ZMYM4: variants seen among roughly 807,000 people sequenced by gnomAD.
ZMYM4 encodes zinc finger MYM-type containing 4.
ZMYM4 carries 31 observed loss-of-function variants against 183.2 expected under a neutral mutation model. The ratio of observed to expected loss-of-function variants is 0.17; its 90% CI spans 0.13 to 0.23. ZMYM4 has a LOEUF of 0.23. ZMYM4 is among the 10% of genes least tolerant of loss of function. The pLI, the probability that ZMYM4 is intolerant of heterozygous loss-of-function variation, is 1.00. For synonymous variants in ZMYM4, 592 were observed against 631.2 expected, an observed-to-expected ratio of 0.94 and a Z score of 0.93; for missense variants, 1,273 against 1,840.3, an observed-to-expected ratio of 0.69 and a Z score of 5.64.
chr1:35,351,095 T>A, intron 2 of ZMYM4: 1 of 860,992 alleles, frequency 1.2e-6, no homozygotes, highest in South Asian at 1.4e-5. Context: ...TGGAGGTGAC[T>A]GGTGGTAAAT....
chr1:35,381,145 A>G, intron 7 of ZMYM4, 114 bp from the exon 8 acceptor site: 1 of 823,810 alleles, frequency 1.2e-6, no homozygotes, highest in Non-Finnish European at 1.8e-6. Context: ...CTTAAATTCC[A>G]GTGTTATTTC....
intron 2 of ZMYM4, among the ~76,000 whole-genome samples, chr1:35,357,256 A>G (rs770516771): frequency 1.3e-5 from 2 of 152,142 alleles, no homozygotes; most frequent in African/African-American, 2.4e-5. Flanking sequence ...ACTCAAATCA[A>G]CTTAACAAAA....
intron 1 of ZMYM4, among the ~76,000 whole-genome samples, chr1:35,312,026 A>G (rs1641826701): frequency 1.3e-5 from 2 of 152,088 alleles, no homozygotes; most frequent in East Asian, 1.9e-4. Context: ...TGCTGGCATT[A>G]CAGTCATGAG....
intron 25 of ZMYM4, among the ~76,000 whole-genome samples, chr1:35,407,428 C>CA (rs548295593): frequency 0.019 from 1,446 of 77,420 alleles, 9 homozygotes; most frequent in African/African-American, 0.024. Context: ...AATTCCATCT[C>CA]AAAAAAAAAA....
At chr1:35,376,245 A>G (rs1368934733) in intron 7 of ZMYM4, among the ~76,000 whole-genome samples, 1 of 152,188 alleles carries the variant, frequency 6.6e-6, no homozygotes, top group Admixed American at 6.5e-5. Flanking sequence ...GTTTCTTCTC[A>G]TTCTGTCATA....
chr1:35,370,403 A>G lies in ZMYM4; in HGVS notation c.957A>G (p.Ser319=), dbSNP rs1322386789. ...APQLTTGFQP[S]LASSGMNKML... The stretch of plus-strand genomic sequence containing the variant: ...AGTTGACTACTGGCTTTCAGCCCTC[A>G]CTGGCGTCATCTGGCATGAATAAAA... The change falls in exon 7 of 30, where the codon TCA becomes TCG. Residue 319 remains serine, a synonymous_variant. Transcript: ENST00000314607. 1 of 1,567,600 alleles carries G rather than the reference A, an allele frequency of 6.4e-7. No individual in the cohort carries two copies. The highest frequency in any genetic ancestry group is 8.6e-7 in the Non-Finnish European group (1 of 1,167,868).
intron 1 of ZMYM4, among the ~76,000 whole-genome samples, chr1:35,299,483 A>G (rs77648004): frequency 0.026 from 3,980 of 152,326 alleles, 69 homozygotes; most frequent in Non-Finnish European, 0.038. Flanking sequence ...GAGGTTTCCC[A>G]TTGGTTACTT....
Position 35,383,515 on chromosome 1 carries a change from G to A in ZMYM4, c.1569+1757G>A, listed in dbSNP as rs183653400. 2.4e-3 allele frequency among the ~76,000 whole-genome samples: 363 copies of A among 152,024 alleles called. 2 individuals are homozygous for A. The highest frequency in any genetic ancestry group is 7.8e-3 in the African/African-American group (322 of 41,468). The stretch of plus-strand genomic sequence containing the variant: ...TGTTAATGTGAAAACACACTATAAT[G>A]GCTAAGTTTTACTATTCATTCCTTA... On this transcript the variant is annotated intron_variant, in intron 9 of 29. Coordinates refer to ENST00000314607, the MANE Select transcript of ZMYM4 (RefSeq NM_005095.3).
chr1:35,271,521 G>A (rs1441597598), intron 1 of ZMYM4, among the ~76,000 whole-genome samples: 1 of 152,084 alleles, frequency 6.6e-6, no homozygotes, highest in Non-Finnish European at 1.5e-5. Context: ...TCCTGCTTCA[G>A]CCTCCCAAGT....
Position 35,397,468 on chromosome 1 carries a change from A to G in ZMYM4, c.3122A>G (p.His1041Arg). 1 of 1,613,520 alleles carries G rather than the reference A, an allele frequency of 6.2e-7. No individual in the cohort carries two copies. Among genetic ancestry groups the G allele is most frequent in the African/African-American group, 1.3e-5 (1 of 75,016 alleles). Residue 1041 changes from histidine to arginine, a missense_variant, in exon 20 of 30, where the codon CAT becomes CGT. Transcript: ENST00000314607. ...IEDIKEKLPT[H>R]PFEADLLEMA... ...GACATTAAAGAAAAGCTTCCCACAC[A>G]TCCATTTGAAGCTGATCTCCTTGAG...
At chr1:35,278,220 T>C (rs1435601942) in intron 1 of ZMYM4, among the ~76,000 whole-genome samples, 3 of 149,828 alleles carry the variant, frequency 2.0e-5, no homozygotes. Context: ...TGTTCTCAGC[T>C]CAAGATCCTT....
At chr1:35,269,398 G>A (rs1639482727) in intron 1 of ZMYM4, among the ~76,000 whole-genome samples, 1 of 151,436 alleles carries the variant, frequency 6.6e-6, no homozygotes, top group Admixed American at 6.6e-5. Flanking sequence ...TGCATCTTTA[G>A]TGCATCTTTA....
At chr1:35,409,682 C>T (rs936465790) in intron 26 of ZMYM4, among the ~76,000 whole-genome samples, 8 of 152,036 alleles carry the variant, frequency 5.3e-5, no homozygotes, top group Non-Finnish European at 1.2e-4. Flanking sequence ...TGGCTCACAC[C>T]TGTAATCCCA....
Position 35,384,314 on chromosome 1 carries a change from A to G in ZMYM4, c.1570-1128A>G, listed in dbSNP as rs531098567. The stretch of plus-strand genomic sequence containing the variant: ...GAGAGGGAAATGGGGTTAGAGATTT[A>G]GAAGACATTCCAGAATTCAGGCATA... On this transcript the variant is annotated intron_variant, in intron 9 of 29. Coordinates refer to ENST00000314607, the MANE Select transcript of ZMYM4 (RefSeq NM_005095.3). 2.6e-5 allele frequency among the ~76,000 whole-genome samples: 4 copies of G among 152,330 alleles called. No individual in the cohort carries two copies. The East Asian group carries it at 7.7e-4, about 29-fold the overall frequency.
chr1:35,409,186 A>T (rs1314536997), intron 26 of ZMYM4, among the ~76,000 whole-genome samples: 3 of 152,240 alleles, frequency 2.0e-5, no homozygotes, highest in Non-Finnish European at 4.4e-5. Context: ...TCATCCACTG[A>T]TGGACATTTG....
rs555591078 is a variant in ZMYM4 at position 35,380,258 on chromosome 1, A to G, written c.1182-1001A>G. On this transcript the variant is annotated intron_variant, in intron 7 of 29. Coordinates refer to ENST00000314607, the MANE Select transcript of ZMYM4 (RefSeq NM_005095.3). ...GGATGTATACTCATGGGAGAGAGAC[A>G]TTGATTAGAAAATTTCACCAGTTTG... Among the ~76,000 whole-genome samples the G allele has an allele frequency of 6.6e-5, 10 of 152,284 alleles. 1 individual carries two copies. In the South Asian group the frequency reaches 1.9e-3, roughly 28 times the overall value.
At chr1:35,361,827 C>A in intron 5 of ZMYM4, 38 bp downstream of exon 5, 1 of 1,583,442 alleles carries the variant, frequency 6.3e-7, no homozygotes, top group South Asian at 1.2e-5. Context: ...TCTTTTTGTT[C>A]CACACATTGA....
intron 7 of ZMYM4, among the ~76,000 whole-genome samples, chr1:35,378,346 T>G (rs1372516511): frequency 6.6e-6 from 1 of 152,228 alleles, no homozygotes; most frequent in Admixed American, 6.5e-5. Context: ...TTCCAGAAGC[T>G]TTTTAATTTC....
At chr1:35,365,615 A>G (rs899291883) in intron 5 of ZMYM4, among the ~76,000 whole-genome samples, 4 of 152,168 alleles carry the variant, frequency 2.6e-5, no homozygotes, top group African/African-American at 7.2e-5. Flanking sequence ...TAATTTGGCA[A>G]TAGAAACTGT....
Sources: allele counts gnomAD v4.1 joint callset (sites outside exome capture counted in the v4.1 genomes callset), GRCh38; gene constraint gnomAD v4.1.1; transcripts MANE v1.5; gene names NCBI Gene and HGNC (gene_info 2026-07-23, HGNC 2026-07-21).